The following PCDH15 variants were observed in gnomAD, a reference collection of about 807,000 sequenced individuals.
PCDH15 encodes the protein protocadherin related 15.
PCDH15 carries 129 observed loss-of-function variants against 178.5 expected under a neutral mutation model. The observed-to-expected ratio is 0.72, with a 90% CI of 0.63 to 0.84. The LOEUF (loss-of-function observed/expected upper bound fraction) is 0.84. Ranked by LOEUF, PCDH15 falls within the 40% of genes least tolerant of loss-of-function variation. PCDH15 has a pLI of 0.00. For synonymous variants in PCDH15, 800 were observed against 732.0 expected (o/e 1.09, Z -1.50); for missense variants, 2,230 against 2,099.9 (o/e 1.06, Z -1.21).
intron 15 of PCDH15, among the ~76,000 whole-genome samples, chr10:54,091,974 TG>T (rs2094606863): frequency 6.6e-6 from 1 of 152,312 alleles, no homozygotes; most frequent in South Asian, 2.1e-4. Flanking sequence ...ATTGCCTACA[TG>T]GATCCACATT....
chr10:53,892,804 A>C (rs2081662913), intron 26 of PCDH15, among the ~76,000 whole-genome samples: 1 of 152,204 alleles, frequency 6.6e-6, no homozygotes, highest in Non-Finnish European at 1.5e-5. Flanking sequence ...TATATTGTAC[A>C]ACATGGTGAC....
At chr10:54,168,371 C>T (rs1285900832) in intron 13 of PCDH15, among the ~76,000 whole-genome samples, 4 of 152,020 alleles carry the variant, frequency 2.6e-5, no homozygotes, top group East Asian at 2.0e-4. Context: ...CCCCAAGCAT[C>T]GCTGAGTCTT....
chr10:54,077,702 C>A (rs952847510), intron 17 of PCDH15, among the ~76,000 whole-genome samples: 1 of 150,030 alleles, frequency 6.7e-6, no homozygotes, highest in Admixed American at 6.6e-5. Flanking sequence ...AAGTCAAGTT[C>A]TTCAATTACT....
At chr10:54,333,086 G>A (rs1368956108) in intron 6 of PCDH15, among the ~76,000 whole-genome samples, 1 of 152,048 alleles carries the variant, frequency 6.6e-6, no homozygotes, top group Non-Finnish European at 1.5e-5. Flanking sequence ...AGGACTACAG[G>A]CATGTGCCAC....
Position 55,599,939 on chromosome 10 carries a change from A to G in PCDH15, c.-156+27686T>C, listed in dbSNP as rs116249728. On this transcript the variant is annotated intron_variant, in intron 2 of 5. Transcript: ENST00000613346. ...GTTTAGCTGTCTCTTACTTTCAACC[A>G]GTGAAATTGACCTACCTATGAAGAG... 4.3e-3 allele frequency: 6,504 copies of G among 1,520,840 alleles called. 231 individuals carry two copies. In the African/African-American group the frequency reaches 0.075, roughly 17 times the overall value. The allele number at this position is 1,520,840 out of a possible 1,614,324, so 94.2% of individuals were successfully genotyped here.
At chr10:54,262,535 G>A (rs147528550) in intron 8 of PCDH15, among the ~76,000 whole-genome samples, 1 of 152,228 alleles carries the variant, frequency 6.6e-6, no homozygotes, top group East Asian at 1.9e-4. Flanking sequence ...AAAGCTTAGA[G>A]GCCAGAGGAC....
intron 6 of PCDH15, among the ~76,000 whole-genome samples, chr10:54,335,484 G>A (rs1473474002): frequency 1.3e-5 from 2 of 152,092 alleles, no homozygotes; most frequent in Admixed American, 6.5e-5. Context: ...TAATTCCCAC[G>A]TGTTGTGGGA....
At chr10:54,530,682 C>A (rs2083814319) in intron 2 of PCDH15, among the ~76,000 whole-genome samples, 1 of 152,158 alleles carries the variant, frequency 6.6e-6, no homozygotes, top group Admixed American at 6.6e-5. Context: ...TCTCCTGCTA[C>A]AGTACCCTTA....
At chr10:55,240,869 C>T (rs1841522565) in intron 1 of PCDH15, among the ~76,000 whole-genome samples, 1 of 152,094 alleles carries the variant, frequency 6.6e-6, no homozygotes, top group Admixed American at 6.6e-5. Context: ...ACTCTCAAAA[C>T]CAAAAAATTG....
chr10:54,347,871 T>C (rs1437515665), intron 5 of PCDH15, among the ~76,000 whole-genome samples: 2 of 152,132 alleles, frequency 1.3e-5, no homozygotes, highest in African/African-American at 4.8e-5. Context: ...ATTTTTGAGA[T>C]GGAGTCTCAC....
intron 2 of PCDH15, among the ~76,000 whole-genome samples, chr10:55,482,512 G>C (rs1297072227): frequency 1.3e-5 from 2 of 151,744 alleles, no homozygotes; most frequent in Non-Finnish European, 2.9e-5. Context: ...GGCAGGTCTG[G>C]TGGTAACAAA....
At chr10:55,019,651 C>G (rs1161203037) in intron 2 of PCDH15, among the ~76,000 whole-genome samples, 1 of 152,096 alleles carries the variant, frequency 6.6e-6, no homozygotes, top group African/African-American at 2.4e-5. Context: ...TTGTCTCTGA[C>G]CCAGGAATCC....
At chr10:54,150,583 TAC>T (rs1331183774) in intron 14 of PCDH15, among the ~76,000 whole-genome samples, 2 of 152,070 alleles carry the variant, frequency 1.3e-5, no homozygotes, top group African/African-American at 4.8e-5. Context: ...TTTTATTGTA[TAC>T]AGTTTTACTT....
At chr10:54,511,609 G>T (rs904657910) in intron 3 of PCDH15, among the ~76,000 whole-genome samples, 1 of 152,176 alleles carries the variant, frequency 6.6e-6, no homozygotes, top group East Asian at 1.9e-4. Context: ...GTCACTTTAT[G>T]GATAATGCAT....
intron 20 of PCDH15, among the ~76,000 whole-genome samples, chr10:54,012,084 T>C (rs1221659374): frequency 5.9e-5 from 9 of 152,242 alleles, no homozygotes; most frequent in African/African-American, 2.2e-4. Flanking sequence ...ATGGCCATTA[T>C]AAGAATGAAC....
rs1263619734 is a variant in PCDH15 at position 54,378,773 on chromosome 10, A to G, written c.318+9T>C. On this transcript the variant is annotated intron_variant, in intron 4 of 37. Transcript: ENST00000644397. ...TATATTACAGGGGCAAAGAAAAAAA[A>G]TCACTAACATCTCTATCCAGAACTC... The G allele has an allele frequency of 8.1e-6, 13 of 1,613,430 alleles. No homozygotes were observed. Among genetic ancestry groups the G allele is most frequent in the Non-Finnish European group, 1.1e-5 (13 of 1,179,684 alleles).
chr10:54,106,823 A>G (rs1403537226), intron 15 of PCDH15, among the ~76,000 whole-genome samples: 1 of 152,256 alleles, frequency 6.6e-6, no homozygotes, highest in Non-Finnish European at 1.5e-5. Flanking sequence ...TTCAAATTTC[A>G]TTATATACAC....
chr10:55,273,038 G>C (rs556646224), intron 1 of PCDH15, among the ~76,000 whole-genome samples: 17 of 152,084 alleles, frequency 1.1e-4, no homozygotes, highest in African/African-American at 4.1e-4. Context: ...ATTTTTATAA[G>C]CCCAAGCAGA....
At chr10:54,235,592 C>G (rs1429305538) in intron 9 of PCDH15, among the ~76,000 whole-genome samples, 1 of 152,168 alleles carries the variant, frequency 6.6e-6, no homozygotes, top group African/African-American at 2.4e-5. Context: ...GCTTAATGCT[C>G]TCCTCTCATG....
Sources: gnomAD v4.1 joint callset for allele counts (sites outside exome capture counted in the v4.1 genomes callset) on GRCh38, gnomAD v4.1.1 for gene constraint, MANE v1.5 for transcripts, NCBI Gene and HGNC (gene_info 2026-07-23, HGNC 2026-07-21) for gene names.